BRINP3: variants seen among roughly 807,000 people sequenced by gnomAD.
The protein encoded by BRINP3 is BMP/retinoic acid-inducible neural-specific protein 3.
A neutral mutation model predicts 71.0 loss-of-function variants in BRINP3; 19 were observed. The observed-to-expected ratio is 0.27, with a 90% CI of 0.19 to 0.39. The LOEUF is 0.39. Ranked by LOEUF, BRINP3 falls within the 10% of genes least tolerant of loss-of-function variation. The pLI is 1.00. For synonymous variants in BRINP3, 380 were observed against 337.7 expected, an observed-to-expected ratio of 1.13 and a Z score of -1.37; for missense variants, 959 against 940.8, an observed-to-expected ratio of 1.02 and a Z score of -0.25.
chr1:190,291,335 T>C (rs376834071), intron 2 of BRINP3, among the ~76,000 whole-genome samples: 11 of 151,968 alleles, frequency 7.2e-5, no homozygotes, highest in African/African-American at 1.2e-4. Flanking sequence ...TATAGATGCA[T>C]TGGATTACAA....
At chr1:190,384,748 T>C (rs1670774555) in intron 2 of BRINP3, among the ~76,000 whole-genome samples, 1 of 151,818 alleles carries the variant, frequency 6.6e-6, no homozygotes, top group Non-Finnish European at 1.5e-5. Context: ...TATCACTGCT[T>C]CATGAAGCAC....
Position 190,124,178 on chromosome 1 carries a change from G to A in BRINP3, c.1185-25044C>T, listed in dbSNP as rs561106626. 2.5e-4 allele frequency among the ~76,000 whole-genome samples: 38 copies of A among 152,242 alleles called. 1 individual carries two copies. In the South Asian group the frequency reaches 4.8e-3, roughly 19 times the overall value. On this transcript the variant is annotated intron_variant, in intron 7 of 7. Coordinates refer to ENST00000367462, the MANE Select transcript of BRINP3 (RefSeq NM_199051.3). ...GATTAATACAGTCATCACAGGAGTC[G>A]TCTGATCCTTGAGAAAGTGGGTTTG...
intron 2 of BRINP3, among the ~76,000 whole-genome samples, chr1:190,430,706 A>G (rs1430399995): frequency 6.6e-6 from 1 of 152,186 alleles, no homozygotes; most frequent in Non-Finnish European, 1.5e-5. Flanking sequence ...AAGACATTCA[A>G]AGATCATCAG....
intron 1 of BRINP3, among the ~76,000 whole-genome samples, chr1:190,460,341 T>A (rs1176865252): frequency 6.6e-6 from 1 of 151,266 alleles, no homozygotes; most frequent in Non-Finnish European, 1.5e-5. Flanking sequence ...ACTATAATAA[T>A]TATTTTTTGA....
rs574935953 is a variant in BRINP3 at position 190,324,419 on chromosome 1, C to CA, written c.237-42670dup. Among the ~76,000 whole-genome samples, 24 of 151,976 alleles carry CA rather than the reference C, an allele frequency of 1.6e-4. No individual in the cohort carries two copies. In the South Asian group the frequency reaches 5.0e-3, roughly 32 times the overall value. ...CACTGAACACAGACATTTCCCCCTA[C>CA]AAAAATTCCCAAATTTTATCAATAA... On this transcript the variant is annotated intron_variant, in intron 2 of 7. Transcript: ENST00000367462.
intron 7 of BRINP3, among the ~76,000 whole-genome samples, chr1:190,148,733 AC>A (rs1437842590): frequency 2.6e-5 from 4 of 151,966 alleles, no homozygotes; most frequent in Non-Finnish European, 5.9e-5. Context: ...TTAACAGTCT[AC>A]TGTATTTTAG....
chr1:190,182,003 T>C (rs1224317179), intron 6 of BRINP3, among the ~76,000 whole-genome samples: 1 of 152,018 alleles, frequency 6.6e-6, no homozygotes, highest in Non-Finnish European at 1.5e-5. Flanking sequence ...GCATTTTCTA[T>C]TAGCACTTGA....
chr1:190,212,813 G>C (rs1172839666), intron 6 of BRINP3, among the ~76,000 whole-genome samples: 2 of 152,086 alleles, frequency 1.3e-5, no homozygotes, highest in African/African-American at 4.8e-5. Flanking sequence ...CCTGAGTCCA[G>C]GAGTGAAGTC....
intron 2 of BRINP3, among the ~76,000 whole-genome samples, chr1:190,336,359 G>C (rs1380441250): frequency 6.6e-6 from 1 of 151,840 alleles, no homozygotes; most frequent in Non-Finnish European, 1.5e-5. Flanking sequence ...ATAGTTTTTT[G>C]TTTGTTTGTT....
chr1:190,147,578 T>C (rs1656001768), intron 7 of BRINP3, among the ~76,000 whole-genome samples: 1 of 152,194 alleles, frequency 6.6e-6, no homozygotes, highest in Non-Finnish European at 1.5e-5. Context: ...TAATCTACCA[T>C]ACCTTGCAAT....
At chr1:190,211,920 C>A (rs1219335693) in intron 6 of BRINP3, among the ~76,000 whole-genome samples, 3 of 152,044 alleles carry the variant, frequency 2.0e-5, no homozygotes, top group Non-Finnish European at 4.4e-5. Context: ...GGTGACCAAT[C>A]AAAACAAATA....
At chr1:190,474,884 T>A (rs1677397854) in intron 1 of BRINP3, 1 of 152,082 alleles carries the variant, frequency 6.6e-6, no homozygotes, top group Non-Finnish European at 1.5e-5. Context: ...TCCGGTGGAC[T>A]CTGGAAGAGA....
At position 190,422,272 on chromosome 1, in the gene BRINP3, T is replaced by C. The variant is rs758811409; in HGVS notation, c.236+32383A>G. ...CAATGATATTAATGAATACATACTC[T>C]TGCTTGCCTTAGAATGTGGTCGATT... On this transcript the variant is annotated intron_variant, in intron 2 of 7. Transcript: ENST00000367462. 2.0e-5 allele frequency among the ~76,000 whole-genome samples: 3 copies of C among 151,814 alleles called. 1 individual carries two copies. Among genetic ancestry groups the C allele is most frequent in the Non-Finnish European group, 2.9e-5 (2 of 67,820 alleles).
chr1:190,167,383 AGT>A (rs1359939989), intron 6 of BRINP3, among the ~76,000 whole-genome samples: 1 of 152,096 alleles, frequency 6.6e-6, no homozygotes. Flanking sequence ...CCTAGAATGA[AGT>A]GTGTGTTGCA....
At position 190,230,630 on chromosome 1, in the gene BRINP3, A is replaced by G. The variant is rs143089266; in HGVS notation, c.724+3742T>C. On this transcript the variant is annotated intron_variant, in intron 5 of 7. Transcript: ENST00000367462. ...TTTAAAAATAAAATTTGAACAAGAT[A>G]TACAAATATAAAAAAAGTATATATG... 3.1e-4 allele frequency among the ~76,000 whole-genome samples: 47 copies of G among 152,020 alleles called. No individual in the cohort carries two copies. In the East Asian group the frequency reaches 8.7e-3, roughly 28 times the overall value.
intron 6 of BRINP3, among the ~76,000 whole-genome samples, chr1:190,168,509 A>T (rs1018566813): frequency 2.0e-5 from 3 of 152,196 alleles, no homozygotes; most frequent in African/African-American, 7.2e-5. Context: ...AGGCCAATAA[A>T]GACTGTAACC....
chr1:190,259,528 T>A (rs1052090896), intron 4 of BRINP3, among the ~76,000 whole-genome samples: 1 of 151,130 alleles, frequency 6.6e-6, no homozygotes, highest in African/African-American at 2.4e-5. Flanking sequence ...GATAACATCC[T>A]AGATAATAAT....
intron 7 of BRINP3, among the ~76,000 whole-genome samples, chr1:190,130,444 T>G (rs879843632): frequency 1.3e-5 from 2 of 152,176 alleles, no homozygotes; most frequent in Admixed American, 1.3e-4. Flanking sequence ...ACCTTAAGCA[T>G]TATTTTAATC....
intron 7 of BRINP3, among the ~76,000 whole-genome samples, chr1:190,148,036 A>G (rs1656045571): frequency 6.6e-6 from 1 of 152,214 alleles, no homozygotes; most frequent in South Asian, 2.1e-4. Context: ...AAATACGTCA[A>G]ATATTTAAAC....
Sources: allele counts gnomAD v4.1 joint callset (sites outside exome capture counted in the v4.1 genomes callset), GRCh38; gene constraint gnomAD v4.1.1; transcripts MANE v1.5; gene names NCBI Gene and HGNC (gene_info 2026-07-23, HGNC 2026-07-21).